CFAP44: variants seen among roughly 807,000 people sequenced by gnomAD.
CFAP44 encodes cilia and flagella associated protein 44.
CFAP44 carries 134 observed loss-of-function variants against 216.2 expected under a neutral mutation model. That is an observed-to-expected ratio of 0.62 (90% CI 0.54 to 0.72). The LOEUF is 0.72. Among genes scored for constraint, CFAP44 ranks in the 30% least tolerant of loss-of-function variants. CFAP44 has a pLI of 0.00. For missense variants in CFAP44, 2,035 were observed against 2,182.1 expected, an observed-to-expected ratio of 0.93 and a Z score of 1.34; for synonymous variants, 700 against 727.6, an observed-to-expected ratio of 0.96 and a Z score of 0.61.
chr3:113,385,733 G>A (rs8179926), intron 15 of CFAP44, among the ~76,000 whole-genome samples: 28,149 of 151,756 alleles, frequency 0.19, 3,133 homozygotes, highest in East Asian at 0.43. Flanking sequence ...TCTGCCTCCC[G>A]GGTTCAAGCG....
In CFAP44 at chr3:113,286,967, A is replaced by G. The variant is rs1949755367; in HGVS notation, c.*4590T>C. 4 of 1,045,210 alleles carry G rather than the reference A, an allele frequency of 3.8e-6. No homozygotes were observed. Among genetic ancestry groups the G allele is most frequent in the Non-Finnish European group, 5.6e-6 (4 of 719,770 alleles). The allele number at this position is 1,045,210 out of a possible 1,614,324, so 64.7% of individuals were successfully genotyped here. A position where few individuals can be genotyped will look rare whatever the true frequency, so the allele number is the denominator to read the frequency against. ...TGGTATTTATTTTTCTATTATAGCC[A>G]TATTTATATATTTATGCACTTGTAA... On this transcript the variant is annotated 3_prime_UTR_variant, in exon 35 of 35. Transcript: ENST00000393845.
At chr3:113,412,434 T>C (rs564977683) in intron 6 of CFAP44, among the ~76,000 whole-genome samples, 2 of 151,498 alleles carry the variant, frequency 1.3e-5, no homozygotes, top group South Asian at 2.1e-4. Context: ...AAAAGATACA[T>C]GTGCAGAACG....
At chr3:113,397,477 A>T (rs1270183135) in intron 13 of CFAP44, 3 of 152,242 alleles carry the variant, frequency 2.0e-5, no homozygotes, top group Non-Finnish European at 4.4e-5. Context: ...GTTGGGTTCC[A>T]GGGGGAAGTG....
chr3:113,315,100 T>G (rs2107799858), intron 28 of CFAP44, among the ~76,000 whole-genome samples: 1 of 152,182 alleles, frequency 6.6e-6, no homozygotes, highest in African/African-American at 2.4e-5. Context: ...TTGTATTAAA[T>G]GTAAATGGTT....
chr3:113,306,102 G>A, intron 30 of CFAP44, 99 bp downstream of exon 30: 4 of 1,352,272 alleles, frequency 3.0e-6, no homozygotes, highest in South Asian at 1.6e-5. Flanking sequence ...TTTCTTTTCT[G>A]AGAAGTCCTA....
intron 28 of CFAP44, among the ~76,000 whole-genome samples, chr3:113,312,026 G>C (rs954668419): frequency 2.0e-5 from 3 of 151,436 alleles, no homozygotes; most frequent in South Asian, 2.1e-4. Flanking sequence ...AAGTGACTTG[G>C]ATACTGTTAA....
chr3:113,329,743 C>T (rs964292473), intron 26 of CFAP44, among the ~76,000 whole-genome samples: 2 of 152,074 alleles, frequency 1.3e-5, no homozygotes, highest in African/African-American at 4.8e-5. Context: ...TGGAACAAAC[C>T]ACATATTAGA....
At chr3:113,433,294 T>C (rs2107415435) in intron 2 of CFAP44, among the ~76,000 whole-genome samples, 1 of 151,870 alleles carries the variant, frequency 6.6e-6, no homozygotes, top group East Asian at 1.9e-4. Context: ...CTGGGTGTGG[T>C]AGCAGGCACC....
chr3:113,407,155 T>TAAA (rs1461938416), intron 7 of CFAP44, 114 bp from the exon 8 acceptor site: 3 of 800,798 alleles, frequency 3.7e-6, no homozygotes, highest in Non-Finnish European at 6.1e-6. Context: ...CATTCATTCA[T>TAAA]TCATTTATCT....
At chr3:113,359,518 T>A (rs1004752941) in intron 21 of CFAP44, among the ~76,000 whole-genome samples, 6 of 152,190 alleles carry the variant, frequency 3.9e-5, no homozygotes, top group Non-Finnish European at 1.5e-5. Flanking sequence ...TCAGTTGTTT[T>A]TTATCTTAAA....
intron 31 of CFAP44, 175 bp from the exon 32 acceptor site, chr3:113,304,292 A>C: frequency 1.6e-6 from 1 of 637,512 alleles, no homozygotes; most frequent in Non-Finnish European, 2.7e-6. Flanking sequence ...AGATGCTGTC[A>C]GACAGAAAGC....
chr3:113,368,606 G>C (rs1452539708), intron 18 of CFAP44, among the ~76,000 whole-genome samples: 4 of 152,100 alleles, frequency 2.6e-5, no homozygotes, highest in African/African-American at 9.7e-5. Context: ...AACATGGAAA[G>C]GAACAACCGG....
chr3:113,332,278 C>G (rs145534563), intron 25 of CFAP44, among the ~76,000 whole-genome samples: 1 of 152,210 alleles, frequency 6.6e-6, no homozygotes, highest in East Asian at 1.9e-4. Context: ...ATGGTCATTA[C>G]TAAAATGTCC....
intron 15 of CFAP44, among the ~76,000 whole-genome samples, chr3:113,385,536 T>G (rs565234533): frequency 1.3e-5 from 2 of 152,224 alleles, no homozygotes; most frequent in African/African-American, 2.4e-5. Flanking sequence ...AAGTTCCATA[T>G]CACTTGAGAA....
intron 15 of CFAP44, among the ~76,000 whole-genome samples, chr3:113,392,074 G>T (rs1467305148): frequency 6.6e-6 from 1 of 152,088 alleles, no homozygotes; most frequent in Admixed American, 6.6e-5. Context: ...TCAGTATATT[G>T]AAGGAAATCA....
chr3:113,304,115 T>G lies in CFAP44; in HGVS notation c.4878A>C (p.Ile1626=), dbSNP rs1949963063. The stretch of plus-strand genomic sequence containing the variant: ...GTATTTCTCCAAATACCACATACTC[T>G]ATCTACAAGCATAAAACAAATCAAA... ...LVVIPLKLHQ[I]EYVVFGEIPS... is the part of the protein sequence containing the mutation. Residue 1626 remains isoleucine (I), a splice_region_variant and synonymous_variant, in exon 32 of 35, where the codon ATA becomes ATC. Transcript: ENST00000393845. The G allele has an allele frequency of 6.5e-7, 1 of 1,535,240 alleles. No homozygotes were observed. The highest frequency in any genetic ancestry group is 1.2e-5 in the South Asian group (1 of 83,628).
chr3:113,414,970 T>C (rs1934604142), intron 6 of CFAP44, among the ~76,000 whole-genome samples: 1 of 151,140 alleles, frequency 6.6e-6, no homozygotes, highest in Admixed American at 6.6e-5. Flanking sequence ...AGTAGAATTC[T>C]GCTGTGAATC....
chr3:113,309,355 C>T (rs1950016364), intron 28 of CFAP44, among the ~76,000 whole-genome samples: 1 of 152,170 alleles, frequency 6.6e-6, no homozygotes, highest in African/African-American at 2.4e-5. Flanking sequence ...CACTGACGCC[C>T]ACTCTGTTCC....
intron 12 of CFAP44, 51 bp downstream of exon 12, chr3:113,400,494 A>C: frequency 6.9e-7 from 1 of 1,447,294 alleles, no homozygotes; most frequent in Non-Finnish European, 9.3e-7. Flanking sequence ...ATTTTATTGC[A>C]AATAAAACAA....
Sources: gnomAD v4.1 joint callset for allele counts (sites outside exome capture counted in the v4.1 genomes callset) on GRCh38, gnomAD v4.1.1 for gene constraint, MANE v1.5 for transcripts, NCBI Gene and HGNC (gene_info 2026-07-23, HGNC 2026-07-21) for gene names.